The following CTIF variants were observed in gnomAD, a reference collection of about 807,000 sequenced individuals.
The protein encoded by CTIF is CBP80/20-dependent translation initiation factor.
A neutral mutation model predicts 66.0 loss-of-function variants in CTIF; 21 were observed. The ratio of observed to expected loss-of-function variants is 0.32; its 90% confidence interval spans 0.23 to 0.46. The LOEUF (loss-of-function observed/expected upper bound fraction) is 0.46. Ranked by LOEUF, CTIF falls within the 20% of genes least tolerant of loss-of-function variation. The pLI is 1.00. For synonymous variants in CTIF, 345 were observed against 326.4 expected (o/e 1.06, Z -0.62); for missense variants, 739 against 812.7 (o/e 0.91, Z 1.10).
At chr18:48,544,515 G>C (rs1311971923) in intron 1 of CTIF, among the ~76,000 whole-genome samples, 1 of 152,206 alleles carries the variant, frequency 6.6e-6, no homozygotes, top group African/African-American at 2.4e-5. Flanking sequence ...AATGCCTACT[G>C]TTCACTCATA....
At chr18:48,621,202 A>C (rs1432054464) in intron 2 of CTIF, among the ~76,000 whole-genome samples, 2 of 152,096 alleles carry the variant, frequency 1.3e-5, no homozygotes, top group Non-Finnish European at 2.9e-5. Context: ...GGAGAAAAGT[A>C]AAGCGGAAAA....
At chr18:48,554,644 A>T (rs1227340366) in intron 1 of CTIF, among the ~76,000 whole-genome samples, 3 of 152,260 alleles carry the variant, frequency 2.0e-5, no homozygotes, top group Non-Finnish European at 4.4e-5. Context: ...GCCTAACACC[A>T]GCTTTTCGGA....
chr18:48,570,442 C>T (rs1053050675), intron 1 of CTIF, among the ~76,000 whole-genome samples: 1 of 152,214 alleles, frequency 6.6e-6, no homozygotes, highest in African/African-American at 2.4e-5. Context: ...CTAACAGTCC[C>T]TCTGGTCAGA....
At position 48,758,227 on chromosome 18, in the gene CTIF, G is replaced by A. The variant is rs139196062; in HGVS notation, c.893G>A (p.Arg298His). 101 of 1,613,242 alleles carry A rather than the reference G, an allele frequency of 6.3e-5. No homozygotes were observed. The highest frequency in any genetic ancestry group is 1.5e-4 in the Admixed American group (9 of 59,984). Residue 298 changes from arginine (R) to histidine (H), a missense_variant, in exon 8 of 12, where the codon CGC (arginine) becomes CAC (histidine). Arg to His is a conservative substitution (Grantham distance 29). Around this residue, in one of 2 missense-constraint regions of CTIF, gnomAD observed 529 missense variants for 520.3 expected, o/e 1.02. Transcript: ENST00000256413. ...DTGHSSLEAP[R>H]SPDTLAPVAS... ...GGGCACAGCAGCCTTGAGGCCCCCC[G>A]CAGCCCTGACACCCTGGCCCCGGTG...
At chr18:48,657,366 T>C (rs2091262200) in intron 3 of CTIF, among the ~76,000 whole-genome samples, 1 of 152,232 alleles carries the variant, frequency 6.6e-6, no homozygotes. Context: ...ATATAATCTT[T>C]TTGATTTTTT....
intron 3 of CTIF, among the ~76,000 whole-genome samples, chr18:48,649,456 G>A (rs540087479): frequency 1.4e-4 from 22 of 152,342 alleles, no homozygotes; most frequent in Admixed American, 5.2e-4. Flanking sequence ...GGGGAAGCTC[G>A]AACTGGGCAG....
At position 48,748,358 on chromosome 18, in the gene CTIF, A is replaced by AAGGG. The variant is rs1399681007; in HGVS notation, c.585-9551_585-9548dup. Among the ~76,000 whole-genome samples the AAGGG allele has an allele frequency of 1.1e-4, 16 of 152,072 alleles. No individual in the cohort carries two copies. In the East Asian group the frequency reaches 3.1e-3, roughly 29 times the overall value. The stretch of plus-strand genomic sequence containing the variant: ...CTGAGTACCATGGTGACTTGGGATG[A>AAGGG]AGGGAGGGAGGGAAGGAGGGAGGGA... On this transcript the variant is annotated intron_variant, in intron 7 of 11. Transcript: ENST00000256413.
chr18:48,636,571 C>T (rs1207663044), intron 2 of CTIF, 43 bp from the exon 3 acceptor site: 1 of 1,447,516 alleles, frequency 6.9e-7, no homozygotes, highest in Non-Finnish European at 9.2e-7. Context: ...GAGCATGGGC[C>T]TGGCTGTCCT....
intron 6 of CTIF, among the ~76,000 whole-genome samples, chr18:48,704,797 G>T (rs1244471545): frequency 2.0e-5 from 3 of 152,202 alleles, no homozygotes; most frequent in Admixed American, 6.5e-5. Context: ...GCCATTCAGA[G>T]GAACCAGGGG....
At chr18:48,698,615 T>C (rs2092040398) in intron 6 of CTIF, among the ~76,000 whole-genome samples, 1 of 152,236 alleles carries the variant, frequency 6.6e-6, no homozygotes, top group Admixed American at 6.5e-5. Flanking sequence ...GCTTCACATA[T>C]TAAAGACTAA....
At chr18:48,833,723 C>T (rs1253393854) in intron 10 of CTIF, among the ~76,000 whole-genome samples, 1 of 152,146 alleles carries the variant, frequency 6.6e-6, no homozygotes, top group Non-Finnish European at 1.5e-5. Context: ...AAACTCTCCC[C>T]AGAAAACACC....
At chr18:48,680,996 C>T (rs2091730498) in intron 6 of CTIF, among the ~76,000 whole-genome samples, 1 of 152,216 alleles carries the variant, frequency 6.6e-6, no homozygotes, top group Non-Finnish European at 1.5e-5. Flanking sequence ...CTCCAGCAGG[C>T]ATTTGTGAAT....
chr18:48,721,758 T>G (rs55726788), intron 7 of CTIF, among the ~76,000 whole-genome samples: 17 of 151,432 alleles, frequency 1.1e-4, no homozygotes, highest in South Asian at 2.1e-4. Flanking sequence ...CATCCCCCCC[T>G]CTCTGTCCTG....
chr18:48,795,584 G>T (rs560955512), intron 9 of CTIF, among the ~76,000 whole-genome samples: 1 of 152,320 alleles, frequency 6.6e-6, no homozygotes, highest in Non-Finnish European at 1.5e-5. Context: ...TTGCAAAGAG[G>T]CACCTGCATC....
chr18:48,602,790 G>GATGGATGGGTGGGTGAACGA (rs1568064458), intron 1 of CTIF, among the ~76,000 whole-genome samples: 9 of 152,186 alleles, frequency 5.9e-5, no homozygotes, highest in Non-Finnish European at 7.3e-5. Flanking sequence ...CATATGGGTG[G>GATGGATGGGTGGGTGAACGA]ATGGATGGGT....
At chr18:48,702,396 G>C (rs2092096021) in intron 6 of CTIF, among the ~76,000 whole-genome samples, 1 of 152,178 alleles carries the variant, frequency 6.6e-6, no homozygotes, top group African/African-American at 2.4e-5. Context: ...CACTTTTAAG[G>C]GGGTCGTGGA....
chr18:48,734,994 C>A (rs2092487696), intron 7 of CTIF, among the ~76,000 whole-genome samples: 1 of 152,124 alleles, frequency 6.6e-6, no homozygotes, highest in African/African-American at 2.4e-5. Flanking sequence ...TTTATATGCA[C>A]ACATGTATGC....
intron 5 of CTIF, 138 bp from the exon 6 acceptor site, chr18:48,670,531 G>A (rs74915550): frequency 0.026 from 19,038 of 727,664 alleles, 555 homozygotes; most frequent in African/African-American, 0.11. Context: ...GTTTCCTCTA[G>A]GTGGGACAGC....
At chr18:48,853,942 T>C (rs567107468) in intron 10 of CTIF, among the ~76,000 whole-genome samples, 5 of 152,306 alleles carry the variant, frequency 3.3e-5, no homozygotes, top group East Asian at 3.9e-4. Flanking sequence ...GATTAAAACT[T>C]TGGCTCCAGC....
Sources: gnomAD v4.1 joint callset for allele counts (sites outside exome capture counted in the v4.1 genomes callset) on GRCh38, gnomAD v4.1.1 for gene constraint, gnomAD v4.1.1 regional missense constraint, MANE v1.5 for transcripts, NCBI Gene and HGNC (gene_info 2026-07-23, HGNC 2026-07-21) for gene names.